Variants in RIPOR2 observed in about 807,000 individuals in gnomAD.
RIPOR2 encodes rho family-interacting cell polarization regulator 2.
In RIPOR2, 39 loss-of-function variants were observed where a neutral mutation model predicts 114.5. That is an observed-to-expected ratio of 0.34 (90% CI 0.26 to 0.44). The LOEUF is 0.44. Among genes scored for constraint, RIPOR2 ranks in the 20% least tolerant of loss-of-function variants. The pLI is 1.00. For synonymous variants in RIPOR2, 445 were observed against 484.4 expected (o/e 0.92, Z 1.07); for missense variants, 1,007 against 1,255.1 (o/e 0.80, Z 2.99).
At chr6:24,960,001 C>A (rs1390641979) in intron 1 of RIPOR2, among the ~76,000 whole-genome samples, 2 of 152,170 alleles carry the variant, frequency 1.3e-5, no homozygotes, top group African/African-American at 4.8e-5. Flanking sequence ...CTTTTGTTTA[C>A]CTCCTTCTCT....
intron 1 of RIPOR2, among the ~76,000 whole-genome samples, chr6:25,027,386 G>T (rs1776679521): frequency 6.6e-6 from 1 of 152,178 alleles, no homozygotes; most frequent in African/African-American, 2.4e-5. Context: ...CCATCCCCAG[G>T]CTGCGAAAGA....
chr6:25,011,986 A>T (rs753914032), intron 1 of RIPOR2, among the ~76,000 whole-genome samples: 2 of 152,236 alleles, frequency 1.3e-5, no homozygotes, highest in Non-Finnish European at 2.9e-5. Context: ...CATATATCTG[A>T]TAAGGGGCTT....
chr6:24,843,516 T>G lies in RIPOR2; in HGVS notation c.1203A>C (p.Ala401=). ...LPDDIFENGK[A]AEEKMPLSLS... ...GCGACAGTGGCATTTTCTCCTCGGC[T>G]GCCTTTCCATTTTCAAAGATGTCAT... Residue 401 remains alanine, a synonymous_variant, in exon 13 of 22, where the codon GCA becomes GCC. Transcript: ENST00000643898. The G allele has an allele frequency of 6.5e-7, 1 of 1,534,112 alleles. No homozygotes were observed. Among genetic ancestry groups the G allele is most frequent in the South Asian group, 1.3e-5 (1 of 79,382 alleles).
chr6:24,900,537 T>C (rs1768335625), intron 1 of RIPOR2, among the ~76,000 whole-genome samples: 1 of 152,056 alleles, frequency 6.6e-6, no homozygotes, highest in South Asian at 2.1e-4. Context: ...TGCAGGGAGA[T>C]GCTTGAGCCC....
At chr6:25,027,132 AT>A (rs1364636997) in intron 1 of RIPOR2, among the ~76,000 whole-genome samples, 4 of 152,258 alleles carry the variant, frequency 2.6e-5, no homozygotes, top group Non-Finnish European at 5.9e-5. Flanking sequence ...GATGCATTCT[AT>A]TTTTAAAATA....
intron 1 of RIPOR2, among the ~76,000 whole-genome samples, chr6:24,966,806 G>T (rs1373441541): frequency 6.6e-6 from 1 of 152,168 alleles, no homozygotes. Context: ...ACTTGACCAT[G>T]CAAAGAATTT....
intron 1 of RIPOR2, among the ~76,000 whole-genome samples, chr6:24,999,234 G>A (rs1775186882): frequency 6.6e-6 from 1 of 152,202 alleles, no homozygotes; most frequent in Admixed American, 6.5e-5. Flanking sequence ...CCAACATGGA[G>A]CTGGATCCTA....
intron 4 of RIPOR2, among the ~76,000 whole-genome samples, chr6:24,871,879 A>C (rs774093220): frequency 2.0e-5 from 3 of 152,204 alleles, no homozygotes; most frequent in Non-Finnish European, 4.4e-5. Context: ...AAGCGCATTC[A>C]CCAGCTCTGA....
At chr6:25,011,530 T>C (rs556729710) in intron 1 of RIPOR2, among the ~76,000 whole-genome samples, 3 of 152,372 alleles carry the variant, frequency 2.0e-5, no homozygotes, top group African/African-American at 7.2e-5. Flanking sequence ...TGTTGGCCTG[T>C]GTTACACTAT....
chr6:24,890,932 C>T (rs1767290220), intron 1 of RIPOR2, among the ~76,000 whole-genome samples: 1 of 150,570 alleles, frequency 6.6e-6, no homozygotes, highest in Admixed American at 6.6e-5. Flanking sequence ...GGGTGGGCCA[C>T]TGCACCTGGC....
Position 24,849,119 on chromosome 6 carries a change from G to A in RIPOR2, c.1034+683C>T, listed in dbSNP as rs533547339. On this transcript the variant is annotated intron_variant, in intron 11 of 21. Transcript: ENST00000643898. ...GGGGTTTCACCATGTTGGCCAGGCTGGTCTCAAACTCCTGACCTCAGCTGA... is the reference window on the plus strand; with the variant it reads ...GGGGTTTCACCATGTTGGCCAGGCTAGTCTCAAACTCCTGACCTCAGCTGA... Among the ~76,000 whole-genome samples the A allele has an allele frequency of 2.0e-5, 3 of 152,268 alleles. No homozygotes were observed. The East Asian group carries it at 5.8e-4, about 29-fold the overall frequency.
intron 1 of RIPOR2, among the ~76,000 whole-genome samples, chr6:24,958,819 G>A (rs965267775): frequency 5.0e-4 from 76 of 152,040 alleles, no homozygotes; most frequent in African/African-American, 1.5e-3. Context: ...CTGGAATCAC[G>A]GTGTGAGGAG....
intron 1 of RIPOR2, among the ~76,000 whole-genome samples, chr6:24,906,333 G>C (rs1768994616): frequency 6.6e-6 from 1 of 152,194 alleles, no homozygotes; most frequent in African/African-American, 2.4e-5. Flanking sequence ...AGTCTTCCTA[G>C]TCTTTTTGTC....
intron 1 of RIPOR2, chr6:25,023,585 T>A (rs1283128952): frequency 1.3e-6 from 1 of 769,206 alleles, no homozygotes; most frequent in Non-Finnish European, 2.4e-6. Flanking sequence ...CACCTCCCAG[T>A]CCATGGTGAA....
In RIPOR2 at chr6:24,848,262, G is replaced by A. The variant is rs554549618; in HGVS notation, c.1035-108C>T. 194 of 1,156,184 alleles carry A rather than the reference G, an allele frequency of 1.7e-4. No homozygotes were observed. The African/African-American group carries it at 2.8e-3, about 17-fold the overall frequency. 71.6% of individuals were successfully genotyped at this position (1,156,184 alleles called of 1,614,324 possible). On this transcript the variant is annotated intron_variant, in intron 11 of 21. Transcript: ENST00000643898. ...TTATATAAAGGTAAACTCAACCAGAGGTTCAGAACTGGGCTGGTTTTAGCT... is the reference window on the plus strand; with the variant it reads ...TTATATAAAGGTAAACTCAACCAGAAGTTCAGAACTGGGCTGGTTTTAGCT...
intron 1 of RIPOR2, among the ~76,000 whole-genome samples, chr6:24,910,328 G>GCAGCC (rs1769425698): frequency 6.6e-6 from 1 of 152,146 alleles, no homozygotes; most frequent in South Asian, 2.1e-4. Flanking sequence ...GCTCAAACGG[G>GCAGCC]CAGCCCGGGG....
At chr6:25,023,780 A>C (rs1581970066) in intron 1 of RIPOR2, 4 of 793,048 alleles carry the variant, frequency 5.0e-6, no homozygotes, top group Non-Finnish European at 9.0e-6. Context: ...GCCATCGTTG[A>C]CGTTGGTCAC....
intron 1 of RIPOR2, among the ~76,000 whole-genome samples, chr6:24,886,724 G>A (rs1044529067): frequency 6.6e-6 from 1 of 152,204 alleles, no homozygotes; most frequent in Non-Finnish European, 1.5e-5. Context: ...GCCATTACCG[G>A]TGATGTTAAC....
chr6:24,852,066 C>T (rs938394408), intron 9 of RIPOR2, among the ~76,000 whole-genome samples: 3 of 151,988 alleles, frequency 2.0e-5, no homozygotes, highest in African/African-American at 7.3e-5. Context: ...TCAAGACCAG[C>T]CTGGCCAACA....
Sources: gnomAD v4.1 joint callset for allele counts (sites outside exome capture counted in the v4.1 genomes callset) on GRCh38, gnomAD v4.1.1 for gene constraint, MANE v1.5 for transcripts, NCBI Gene and HGNC (gene_info 2026-07-23, HGNC 2026-07-21) for gene names.